Variants in HOXC12 observed in about 807,000 individuals in gnomAD.
HOXC12 encodes homeobox protein Hox-C12.
In HOXC12, 24 loss-of-function variants were observed where a neutral mutation model predicts 20.9. That is an observed-to-expected ratio of 1.15 (90% confidence interval 0.83 to 1.61). The LOEUF (loss-of-function observed/expected upper bound fraction) is 1.61. Among genes scored for constraint, HOXC12 ranks in the 40% most tolerant of loss-of-function variants. The pLI, the probability that HOXC12 is intolerant of heterozygous loss-of-function variation, is 0.00. For synonymous variants in HOXC12, 202 were observed against 197.7 expected (o/e 1.02, Z -0.18); for missense variants, 436 against 406.9 (o/e 1.07, Z -0.62).
chr12:53,956,841 G>T lies in HOXC12; in HGVS notation c.*275G>T. On this transcript the variant is annotated 3_prime_UTR_variant, in exon 2 of 2. Transcript: ENST00000243103. ...GGGCAGGAAGGCTGAGGTGCTGCGGGCTGGTTTATTTGAGGCAGGACTGGG... is the reference window on the plus strand; with the variant it reads ...GGGCAGGAAGGCTGAGGTGCTGCGGTCTGGTTTATTTGAGGCAGGACTGGG... 1 of 345,290 alleles carries T rather than the reference G, an allele frequency of 2.9e-6. No homozygotes were observed. The highest frequency in any genetic ancestry group is 5.2e-6 in the Non-Finnish European group (1 of 192,428). 21.4% of individuals were successfully genotyped at this position (345,290 alleles called of 1,614,324 possible). A position where few individuals can be genotyped will look rare whatever the true frequency, so the allele number is the denominator to read the frequency against.
In HOXC12 at chr12:53,955,457, C is replaced by G. The variant is rs189468720; in HGVS notation, c.528C>G (p.Asn176Lys). 6,582 of 1,506,248 alleles carry G rather than the reference C, an allele frequency of 4.4e-3. 26 individuals are homozygous for G. Among genetic ancestry groups the G allele is most frequent in the Non-Finnish European group, 4.7e-3 (5,334 of 1,133,630 alleles). 93.3% of individuals were successfully genotyped at this position (1,506,248 alleles called of 1,614,324 possible). A position where few individuals can be genotyped will look rare whatever the true frequency, so the allele number is the denominator to read the frequency against. ...CCGACTCCAGTTCGTCCCTGCTCAACGAGGGCAACAAGGGCGCCGGCGCAG... is the reference window on the plus strand; with the variant it reads ...CCGACTCCAGTTCGTCCCTGCTCAAGGAGGGCAACAAGGGCGCCGGCGCAG... ...LESDSSSSLLNEGNKGAGAGD... is the reference protein window; with the variant it reads ...LESDSSSSLLKEGNKGAGAGD... The change falls in exon 1 of 2, where the codon AAC becomes AAG. Residue 176 changes from asparagine (N) to lysine (K), a missense_variant. By Grantham distance (94) the Asn-to-Lys change is moderately conservative. Coordinates refer to ENST00000243103, the MANE Select transcript of HOXC12 (RefSeq NM_173860.3).
Position 53,958,234 on chromosome 12 carries a change from A to G in HOXC12, c.*1668A>G, listed in dbSNP as rs1170331943. On this transcript the variant is annotated 3_prime_UTR_variant, in exon 2 of 2. Transcript: ENST00000243103. ...CCGAGCTTTTTACTCTCCCACCAGC[A>G]CACAGCTTCTGTACAGGCAGAGGCA... 2 of 152,414 alleles carry G rather than the reference A, an allele frequency of 1.3e-5. No individual in the cohort carries two copies. The highest frequency in any genetic ancestry group is 4.8e-5 in the African/African-American group (2 of 41,424). The allele number at this position is 152,414 out of a possible 1,614,324, so 9.4% of individuals were successfully genotyped here.
At chr12:53,955,833 C>T (rs1316479825) in intron 1 of HOXC12, among the ~76,000 whole-genome samples, 5 of 152,068 alleles carry the variant, frequency 3.3e-5, no homozygotes, top group African/African-American at 1.2e-4. Context: ...ACAGAAAGCC[C>T]GGCCCTAGTT....
chr12:53,956,290 G>C, intron 1 of HOXC12, 38 bp from the exon 2 acceptor site: 1 of 1,534,228 alleles, frequency 6.5e-7, no homozygotes, highest in Non-Finnish European at 8.8e-7. Flanking sequence ...GTCACCCTTT[G>C]ATCCTTTGGC....
At position 53,958,819 on chromosome 12, in the gene HOXC12, C is replaced by G. The variant is rs2136366632; in HGVS notation, c.*2253C>G. ...GTCCCTGTGGATAGTTGCCCTTCCC[C>G]TAGCTGCCTCCCCAGCTCTCTGTAG... On this transcript the variant is annotated 3_prime_UTR_variant, in exon 2 of 2. Transcript: ENST00000243103. The G allele has an allele frequency of 6.6e-6, 1 of 152,342 alleles. No homozygotes were observed. Among genetic ancestry groups the G allele is most frequent in the Admixed American group, 6.5e-5 (1 of 15,306 alleles). 9.4% of individuals were successfully genotyped at this position (152,342 alleles called of 1,614,324 possible). A position where few individuals can be genotyped will look rare whatever the true frequency, so the allele number is the denominator to read the frequency against.
In HOXC12 at chr12:53,957,226, T is replaced by C. The variant is rs1007273166; in HGVS notation, c.*660T>C. On this transcript the variant is annotated 3_prime_UTR_variant, in exon 2 of 2. Coordinates refer to ENST00000243103, the MANE Select transcript of HOXC12 (RefSeq NM_173860.3). ...CTTGGGCATTTGGCTGGCCGGGCTG[T>C]GGACAAGGACTATCAGCCTCATGTT... 2 of 152,474 alleles carry C rather than the reference T, an allele frequency of 1.3e-5. No homozygotes were observed. Among genetic ancestry groups the C allele is most frequent in the African/African-American group, 4.8e-5 (2 of 41,468 alleles). 9.4% of individuals were successfully genotyped at this position (152,474 alleles called of 1,614,324 possible). A position where few individuals can be genotyped will look rare whatever the true frequency, so the allele number is the denominator to read the frequency against.
intron 1 of HOXC12, 98 bp from the exon 2 acceptor site, chr12:53,956,230 T>C: frequency 1.1e-6 from 1 of 930,102 alleles, no homozygotes; most frequent in Non-Finnish European, 1.6e-6. Context: ...GGAGTCCAGC[T>C]GTGAGGCGAA....
In HOXC12 at chr12:53,956,659, G is replaced by C. The variant is rs760375489; in HGVS notation, c.*93G>C. ...CTAGAACACAGTCCCCACTTAGAACGCCAGGCGTCTCTGGCAGGCCCTCCC... is the reference window on the plus strand; with the variant it reads ...CTAGAACACAGTCCCCACTTAGAACCCCAGGCGTCTCTGGCAGGCCCTCCC... On this transcript the variant is annotated 3_prime_UTR_variant, in exon 2 of 2. Coordinates refer to ENST00000243103, the MANE Select transcript of HOXC12 (RefSeq NM_173860.3). 11 of 913,458 alleles carry C rather than the reference G, an allele frequency of 1.2e-5. No individual in the cohort carries two copies. The highest frequency in any genetic ancestry group is 4.7e-5 in the Admixed American group (2 of 42,172). The allele number at this position is 913,458 out of a possible 1,614,324, so 56.6% of individuals were successfully genotyped here.
chr12:53,956,428 G>A lies in HOXC12; in HGVS notation c.711G>A (p.Glu237=). 6.2e-7 allele frequency: 1 copy of A among 1,614,130 alleles called. No homozygotes were observed. Among genetic ancestry groups the A allele is most frequent in the Non-Finnish European group, 8.5e-7 (1 of 1,179,978 alleles). The change falls in exon 2 of 2, where the codon GAG becomes GAA. Residue 237 remains glutamate, a synonymous_variant. Transcript: ENST00000243103. The part of the protein sequence containing the change: ...AELEGEFLVN[E]FITRQRRREL... ...TGGAGGGCGAGTTTCTGGTCAACGA[G>A]TTCATCACACGCCAGCGCCGGAGGG...
chr12:53,955,546 A>T lies in HOXC12; in HGVS notation c.610+7A>T. 7.1e-7 allele frequency: 1 copy of T among 1,412,868 alleles called. No individual in the cohort carries two copies. The highest frequency in any genetic ancestry group is 1.5e-5 in the African/African-American group (1 of 67,132). The allele number at this position is 1,412,868 out of a possible 1,614,324, so 87.5% of individuals were successfully genotyped here. On this transcript the variant is annotated splice_region_variant and intron_variant, in intron 1 of 1. Transcript: ENST00000243103. ...GGCGGGCTCTCGGCCAGCGGTAAGGACCCCGGCCACTCAAGCGGCGGATTC... is the reference window on the plus strand; with the variant it reads ...GGCGGGCTCTCGGCCAGCGGTAAGGTCCCCGGCCACTCAAGCGGCGGATTC...
chr12:53,956,466 G>C lies in HOXC12; in HGVS notation c.749G>C (p.Arg250Pro). The change falls in exon 2 of 2, where the codon CGC (arginine) becomes CCC (proline). Residue 250 changes from arginine to proline, a missense_variant. Physicochemically the swap from Arg to Pro is moderately radical, Grantham distance 103. Coordinates refer to ENST00000243103, the MANE Select transcript of HOXC12 (RefSeq NM_173860.3). ...CAGCGCCGGAGGGAACTCTCAGACC[G>C]CTTGAATCTTAGTGACCAGCAGGTC... ...TRQRRRELSD[R>P]LNLSDQQVKI... 3.1e-6 allele frequency: 5 copies of C among 1,614,186 alleles called. No homozygotes were observed. The highest frequency in any genetic ancestry group is 4.2e-6 in the Non-Finnish European group (5 of 1,180,016).
chr12:53,956,509 C>T lies in HOXC12; in HGVS notation c.792C>T (p.Asn264=), dbSNP rs1167780314. ...SDQQVKIWFQ[N]RRMKKKRLLL... ...AGCAGGTCAAGATCTGGTTTCAGAACCGGAGAATGAAAAAGAAAAGACTTC... is the reference window on the plus strand; with the variant it reads ...AGCAGGTCAAGATCTGGTTTCAGAATCGGAGAATGAAAAAGAAAAGACTTC... Residue 264 remains asparagine (N), a synonymous_variant, in exon 2 of 2, where the codon AAC becomes AAT. Coordinates refer to ENST00000243103, the MANE Select transcript of HOXC12 (RefSeq NM_173860.3). The T allele has an allele frequency of 7.4e-6, 12 of 1,613,880 alleles. No individual in the cohort carries two copies. Among genetic ancestry groups the T allele is most frequent in the East Asian group, 2.2e-5 (1 of 44,888 alleles).
At chr12:53,955,770 G>A (rs1938856780) in intron 1 of HOXC12, among the ~76,000 whole-genome samples, 1 of 152,180 alleles carries the variant, frequency 6.6e-6, no homozygotes, top group Non-Finnish European at 1.5e-5. Flanking sequence ...AGGGATTCCG[G>A]AGTTGGGGGA....
chr12:53,958,515 G>A lies in HOXC12; in HGVS notation c.*1949G>A, dbSNP rs1221889934. 6.6e-6 allele frequency: 1 copy of A among 152,198 alleles called. No individual in the cohort carries two copies. Among genetic ancestry groups the A allele is most frequent in the Admixed American group, 6.6e-5 (1 of 15,264 alleles). The allele number at this position is 152,198 out of a possible 1,614,324, so 9.4% of individuals were successfully genotyped here. On this transcript the variant is annotated 3_prime_UTR_variant, in exon 2 of 2. Coordinates refer to ENST00000243103, the MANE Select transcript of HOXC12 (RefSeq NM_173860.3). ...CTGCAGTCTCCTGTGGTCTTCCCCTGGGCATGAAGCACTCCCCACCTTGAC... is the reference window on the plus strand; with the variant it reads ...CTGCAGTCTCCTGTGGTCTTCCCCTAGGCATGAAGCACTCCCCACCTTGAC...
rs775230935 is a variant in HOXC12, at chr12:53,955,084, C to T, written c.155C>T (p.Ser52Phe). The T allele has an allele frequency of 6.2e-7, 1 of 1,613,274 alleles. No homozygotes were observed. The highest frequency in any genetic ancestry group is 8.5e-7 in the Non-Finnish European group (1 of 1,179,722). The change falls in exon 1 of 2, where the codon TCC becomes TTC. Residue 52 changes from serine (S) to phenylalanine (F), a missense_variant. Transcript: ENST00000243103. Reference sequence around the variant, plus strand: ...TACCCACGCCGCGACAACGTGTGCTCCCTGTCCTGGCCGTCGGCGGAGCCG... The same window carrying T: ...TACCCACGCCGCGACAACGTGTGCTTCCTGTCCTGGCCGTCGGCGGAGCCG... ...LSYPRRDNVC[S>F]LSWPSAEPCN...
Position 53,957,562 on chromosome 12 carries a change from T to TC in HOXC12, c.*1000dup, listed in dbSNP as rs1187949575. 1 of 150,110 alleles carries TC rather than the reference T, an allele frequency of 6.7e-6. No individual in the cohort carries two copies. Among genetic ancestry groups the TC allele is most frequent in the Non-Finnish European group, 1.5e-5 (1 of 67,626 alleles). The allele number at this position is 150,110 out of a possible 1,614,324, so 9.3% of individuals were successfully genotyped here. On this transcript the variant is annotated 3_prime_UTR_variant, in exon 2 of 2. Transcript: ENST00000243103. ...ACAGCCGAGGCCTCTGATTCTCCCT[T>TC]CCCCGCTGGCGTTCACGGTCACTGC... is the stretch of plus-strand genomic sequence containing the variant.
Position 53,954,984 on chromosome 12 carries a change from C to T in HOXC12, c.55C>T (p.His19Tyr), listed in dbSNP as rs975446722. The T allele has an allele frequency of 3.7e-6, 6 of 1,614,052 alleles. No individual in the cohort carries two copies. In the African/African-American group the frequency reaches 8.0e-5, roughly 22 times the overall value. Residue 19 changes from histidine (H) to tyrosine (Y), a missense_variant, in exon 1 of 2, where the codon CAC (histidine) becomes TAC (tyrosine). By Grantham distance (83) the His-to-Tyr change is moderately conservative. Coordinates refer to ENST00000243103, the MANE Select transcript of HOXC12 (RefSeq NM_173860.3). ...PGFVGPLVNIHTGDTFYFPNF... is the reference protein window; with the variant it reads ...PGFVGPLVNIYTGDTFYFPNF... ...GTTTGTGGGGCCGCTGGTAAACATCCACACGGGAGACACCTTCTACTTCCC... is the reference window on the plus strand; with the variant it reads ...GTTTGTGGGGCCGCTGGTAAACATCTACACGGGAGACACCTTCTACTTCCC...
At position 53,956,631 on chromosome 12, in the gene HOXC12, C is replaced by T. The variant is rs1338923931; in HGVS notation, c.*65C>T. ...CCTGGCAGAGAGCAAAAGAGGGCGCCGCCTAGAACACAGTCCCCACTTAGA... is the reference window on the plus strand; with the variant it reads ...CCTGGCAGAGAGCAAAAGAGGGCGCTGCCTAGAACACAGTCCCCACTTAGA... On this transcript the variant is annotated 3_prime_UTR_variant, in exon 2 of 2. Transcript: ENST00000243103. 6 of 1,208,174 alleles carry T rather than the reference C, an allele frequency of 5.0e-6. No homozygotes were observed. Among genetic ancestry groups the T allele is most frequent in the African/African-American group, 3.1e-5 (2 of 65,064 alleles). The allele number at this position is 1,208,174 out of a possible 1,614,324, so 74.8% of individuals were successfully genotyped here.
rs1360123276 is a variant in HOXC12 at position 53,956,683 on chromosome 12, C to G, written c.*117C>G. On this transcript the variant is annotated 3_prime_UTR_variant, in exon 2 of 2. Transcript: ENST00000243103. ...CGCCAGGCGTCTCTGGCAGGCCCTC[C>G]CTGGATATCCTCTTGTCTGTTTTGT... 4.1e-6 allele frequency: 3 copies of G among 735,264 alleles called. No homozygotes were observed. The highest frequency in any genetic ancestry group is 7.0e-6 in the Non-Finnish European group (3 of 430,576). 45.5% of individuals were successfully genotyped at this position (735,264 alleles called of 1,614,324 possible).
Sources: allele counts gnomAD v4.1 joint callset (sites outside exome capture counted in the v4.1 genomes callset), GRCh38; gene constraint gnomAD v4.1.1; transcripts MANE v1.5; gene names NCBI Gene and HGNC (gene_info 2026-07-23, HGNC 2026-07-21).